The following PLPPR1 variants were observed in gnomAD, a reference collection of about 807,000 sequenced individuals.
The protein encoded by PLPPR1 is phospholipid phosphatase-related protein type 1.
In PLPPR1, 10 loss-of-function variants were observed where a neutral mutation model predicts 33.1. The observed-to-expected ratio is 0.30, with a 90% CI of 0.19 to 0.51. PLPPR1 has a LOEUF of 0.51. Among genes scored for constraint, PLPPR1 ranks in the 20% least tolerant of loss-of-function variants. PLPPR1 has a pLI of 0.97. For synonymous variants in PLPPR1, 151 were observed against 151.0 expected (o/e 1.00, Z 0.00); for missense variants, 304 against 408.1 (o/e 0.74, Z 2.20).
intron 5 of PLPPR1, among the ~76,000 whole-genome samples, chr9:101,312,389 T>A (rs947853221): frequency 2.0e-5 from 3 of 152,158 alleles, no homozygotes; most frequent in Non-Finnish European, 2.9e-5. Flanking sequence ...TCCTACCTGG[T>A]CTTCTCCACC....
chr9:101,149,173 CTG>C (rs1265249713), intron 1 of PLPPR1, among the ~76,000 whole-genome samples: 1 of 152,118 alleles, frequency 6.6e-6, no homozygotes, highest in African/African-American at 2.4e-5. Flanking sequence ...TGGGAAAACA[CTG>C]TTATCAGAGC....
Position 101,034,714 on chromosome 9 carries a change from G to C in PLPPR1, c.-46+5612G>C, listed in dbSNP as rs147760462. 1.1e-3 allele frequency among the ~76,000 whole-genome samples: 166 copies of C among 152,088 alleles called. 1 individual carries two copies. Among genetic ancestry groups the C allele is most frequent in the African/African-American group, 3.9e-3 (161 of 41,496 alleles). ...GGACAGAGTAAGTACCTAATAAATG[G>C]AGAGTATTAAGTGTGATAGCAGTGA... On this transcript the variant is annotated intron_variant, in intron 1 of 7. Coordinates refer to ENST00000374874, the MANE Select transcript of PLPPR1 (RefSeq NM_207299.2).
intron 1 of PLPPR1, among the ~76,000 whole-genome samples, chr9:101,066,994 G>T (rs1447753553): frequency 1.3e-5 from 2 of 152,064 alleles, no homozygotes; most frequent in Non-Finnish European, 2.9e-5. Context: ...CACCCTGCAT[G>T]ATGGTGTTCC....
At chr9:101,198,940 C>T (rs1349987452) in intron 2 of PLPPR1, among the ~76,000 whole-genome samples, 5 of 152,190 alleles carry the variant, frequency 3.3e-5, no homozygotes, top group African/African-American at 7.2e-5. Flanking sequence ...GTGTATTTAT[C>T]GTAAGGGCTT....
At chr9:101,143,694 G>GA (rs1440401709) in intron 1 of PLPPR1, among the ~76,000 whole-genome samples, 5 of 152,094 alleles carry the variant, frequency 3.3e-5, no homozygotes, top group African/African-American at 1.2e-4. Flanking sequence ...CATCATCACT[G>GA]GCCATCAGAG....
At chr9:101,203,783 T>A (rs1272385420) in intron 2 of PLPPR1, among the ~76,000 whole-genome samples, 1 of 68,676 alleles carries the variant, frequency 1.5e-5, no homozygotes, top group Non-Finnish European at 4.0e-5. Flanking sequence ...AAGTTATTTT[T>A]ACTCTAAAAT....
At chr9:101,321,802 T>TATA (rs1829155873) in intron 7 of PLPPR1, among the ~76,000 whole-genome samples, 1 of 148,200 alleles carries the variant, frequency 6.7e-6, no homozygotes, top group Non-Finnish European at 1.5e-5. Flanking sequence ...TATATACATA[T>TATA]ATAAGTATAT....
Position 101,254,241 on chromosome 9 carries a change from C to T in PLPPR1, c.64-15639C>T, listed in dbSNP as rs573386904. On this transcript the variant is annotated intron_variant, in intron 2 of 7. Coordinates refer to ENST00000374874, the MANE Select transcript of PLPPR1 (RefSeq NM_207299.2). ...ACGTAGAATCAGTGGGAGCTCTTAG[C>T]TTGTTTTCCTGCAACTAGACAGTCC... Among the ~76,000 whole-genome samples the T allele has an allele frequency of 5.3e-5, 8 of 152,074 alleles. No homozygotes were observed. The South Asian group carries it at 8.3e-4, about 16-fold the overall frequency.
chr9:101,170,370 A>C (rs373722149), intron 1 of PLPPR1, among the ~76,000 whole-genome samples: 10 of 152,172 alleles, frequency 6.6e-5, no homozygotes, highest in Non-Finnish European at 1.3e-4. Flanking sequence ...AAGAGGAAGC[A>C]AGACACATCT....
intron 1 of PLPPR1, among the ~76,000 whole-genome samples, chr9:101,163,085 T>C (rs1224288648): frequency 6.6e-6 from 1 of 152,208 alleles, no homozygotes; most frequent in East Asian, 1.9e-4. Flanking sequence ...AAATTAGGTG[T>C]CCTGGGAATT....
At chr9:101,126,777 G>C (rs1185947606) in intron 1 of PLPPR1, among the ~76,000 whole-genome samples, 2 of 152,186 alleles carry the variant, frequency 1.3e-5, no homozygotes, top group East Asian at 3.9e-4. Context: ...TCCAGTTTCT[G>C]TTCCTCACAT....
In PLPPR1 at chr9:101,185,450, C is replaced by T. The variant is rs1373646611; in HGVS notation, c.-45C>T. On this transcript the variant is annotated splice_region_variant and 5_prime_UTR_variant, in exon 2 of 8. Transcript: ENST00000374874. Reference sequence around the variant, plus strand: ...ACTATGCAACCTATTTCTATTTCAGCCTGGACAGTTTTTGACGGTGCAGTC... The same window carrying T: ...ACTATGCAACCTATTTCTATTTCAGTCTGGACAGTTTTTGACGGTGCAGTC... 8.2e-6 allele frequency: 10 copies of T among 1,223,098 alleles called. No homozygotes were observed. Among genetic ancestry groups the T allele is most frequent in the Non-Finnish European group, 8.4e-6 (7 of 834,274 alleles). The allele number at this position is 1,223,098 out of a possible 1,614,324, so 75.8% of individuals were successfully genotyped here.
At chr9:101,080,758 G>A (rs937158604) in intron 1 of PLPPR1, among the ~76,000 whole-genome samples, 5 of 152,038 alleles carry the variant, frequency 3.3e-5, no homozygotes, top group Admixed American at 6.6e-5. Context: ...TAATTCTATC[G>A]TTTTCAGTAT....
Position 101,191,907 on chromosome 9 carries a change from G to A in PLPPR1, c.63+6350G>A, listed in dbSNP as rs147038850. Among the ~76,000 whole-genome samples, 382 of 152,286 alleles carry A rather than the reference G, an allele frequency of 2.5e-3. 3 individuals are homozygous for A. Among genetic ancestry groups the A allele is most frequent in the African/African-American group, 8.9e-3 (370 of 41,558 alleles). Reference sequence around the variant, plus strand: ...TTGTTTGATGTGTACAGGTCTGACAGTTTTATCATTTTGATGGTTGCTCAT... The same window carrying A: ...TTGTTTGATGTGTACAGGTCTGACAATTTTATCATTTTGATGGTTGCTCAT... On this transcript the variant is annotated intron_variant, in intron 2 of 7. Coordinates refer to ENST00000374874, the MANE Select transcript of PLPPR1 (RefSeq NM_207299.2).
At chr9:101,260,194 T>A (rs543565025) in intron 2 of PLPPR1, among the ~76,000 whole-genome samples, 1 of 152,046 alleles carries the variant, frequency 6.6e-6, no homozygotes, top group Non-Finnish European at 1.5e-5. Context: ...TACCATCACA[T>A]TGGGGATTTA....
chr9:101,082,501 A>G (rs1015484242), intron 1 of PLPPR1, among the ~76,000 whole-genome samples: 9 of 152,088 alleles, frequency 5.9e-5, no homozygotes, highest in Admixed American at 1.3e-4. Flanking sequence ...GTTATTGCAT[A>G]TGGTGAATCC....
At chr9:101,297,270 A>C (rs1206201996) in intron 4 of PLPPR1, among the ~76,000 whole-genome samples, 1 of 152,238 alleles carries the variant, frequency 6.6e-6, no homozygotes, top group Admixed American at 6.5e-5. Context: ...ACGATGGCCA[A>C]GTTCTCTAAC....
chr9:101,081,371 T>G (rs949809974), intron 1 of PLPPR1, among the ~76,000 whole-genome samples: 17 of 152,060 alleles, frequency 1.1e-4, no homozygotes, highest in African/African-American at 3.9e-4. Flanking sequence ...ATTTTTGTAT[T>G]TTTAGTAGAG....
intron 4 of PLPPR1, among the ~76,000 whole-genome samples, chr9:101,295,603 G>C (rs1237546549): frequency 6.7e-6 from 1 of 149,374 alleles, no homozygotes; most frequent in African/African-American, 2.4e-5. Flanking sequence ...CCAAAACAGA[G>C]ATATAGATCA....
Sources: allele counts gnomAD v4.1 joint callset (sites outside exome capture counted in the v4.1 genomes callset), GRCh38; gene constraint gnomAD v4.1.1; transcripts MANE v1.5; gene names NCBI Gene and HGNC (gene_info 2026-07-23, HGNC 2026-07-21).